The following PRKAG2 variants were observed in gnomAD, a reference collection of about 807,000 sequenced individuals.
The protein encoded by PRKAG2 is 5'-AMP-activated protein kinase subunit gamma-2.
A neutral mutation model predicts 69.6 loss-of-function variants in PRKAG2; 26 were observed. The observed-to-expected ratio is 0.37, with a 90% CI of 0.27 to 0.52. The LOEUF is 0.52. Ranked by LOEUF, PRKAG2 falls within the 20% of genes least tolerant of loss-of-function variation. The pLI, the probability that PRKAG2 is intolerant of heterozygous loss-of-function variation, is 0.90. For synonymous variants in PRKAG2, 293 were observed against 285.0 expected (o/e 1.03, Z -0.28); for missense variants, 557 against 740.0 (o/e 0.75, Z 2.87).
At chr7:151,657,660 G>T (rs1291123918) in intron 4 of PRKAG2, among the ~76,000 whole-genome samples, 3 of 152,106 alleles carry the variant, frequency 2.0e-5, no homozygotes, top group African/African-American at 7.2e-5. Flanking sequence ...CTGAACTTGT[G>T]TGTGGCTGGC....
intron 3 of PRKAG2, among the ~76,000 whole-genome samples, chr7:151,723,607 C>T (rs969842888): frequency 6.6e-6 from 1 of 152,182 alleles, no homozygotes; most frequent in African/African-American, 2.4e-5. Context: ...CCACTTGGCC[C>T]CTGCCATGCT....
intron 1 of PRKAG2, among the ~76,000 whole-genome samples, chr7:151,815,863 G>A (rs920213116): frequency 3.9e-5 from 6 of 152,218 alleles, no homozygotes; most frequent in Admixed American, 6.5e-5. Flanking sequence ...CTTCTCAGCA[G>A]TGGAGGAATT....
intron 3 of PRKAG2, among the ~76,000 whole-genome samples, chr7:151,694,458 C>T (rs914697866): frequency 1.3e-5 from 2 of 152,130 alleles, no homozygotes; most frequent in Non-Finnish European, 2.9e-5. Context: ...TCATTTCTCC[C>T]CACCTGCAAC....
At chr7:151,730,826 C>T (rs1446717363) in intron 3 of PRKAG2, among the ~76,000 whole-genome samples, 2 of 152,156 alleles carry the variant, frequency 1.3e-5, no homozygotes, top group African/African-American at 2.4e-5. Flanking sequence ...GTTCATGGGC[C>T]AGGAAGGATG....
chr7:151,816,355 G>A (rs1424160349), intron 1 of PRKAG2, among the ~76,000 whole-genome samples: 1 of 151,886 alleles, frequency 6.6e-6, no homozygotes, highest in Non-Finnish European at 1.5e-5. Flanking sequence ...TCCGTAGAAT[G>A]AGCCATGTGT....
At chr7:151,802,953 T>G (rs368812174) in intron 1 of PRKAG2, among the ~76,000 whole-genome samples, 1 of 63,714 alleles carries the variant, frequency 1.6e-5, no homozygotes, top group Non-Finnish European at 3.1e-5. Context: ...CAATATGATA[T>G]ATATATATAT....
At chr7:151,827,745 T>TTAAA (rs1367495239) in intron 1 of PRKAG2, among the ~76,000 whole-genome samples, 1 of 52,248 alleles carries the variant, frequency 1.9e-5, no homozygotes, top group Non-Finnish European at 3.3e-5. Context: ...TGGCCTTAGG[T>TTAAA]AAAAAAAAAA....
intron 3 of PRKAG2, among the ~76,000 whole-genome samples, chr7:151,713,445 A>G (rs1795634415): frequency 6.6e-6 from 1 of 152,158 alleles, no homozygotes; most frequent in African/African-American, 2.4e-5. Context: ...GTAATGCAGT[A>G]TTTTCTTTTT....
At chr7:151,622,692 CATT>C (rs1821821327) in intron 5 of PRKAG2, among the ~76,000 whole-genome samples, 1 of 152,158 alleles carries the variant, frequency 6.6e-6, no homozygotes, top group Non-Finnish European at 1.5e-5. Context: ...TTCCTGAGAG[CATT>C]TCTCAGGAAC....
chr7:151,568,907 C>A, intron 10 of PRKAG2, 65 bp from the exon 11 acceptor site: 1 of 1,577,628 alleles, frequency 6.3e-7, no homozygotes, highest in African/African-American at 1.3e-5. Flanking sequence ...TTTGGACTAC[C>A]CCTGCCTTAA....
At chr7:151,621,878 G>A (rs1821599484) in intron 5 of PRKAG2, among the ~76,000 whole-genome samples, 1 of 152,110 alleles carries the variant, frequency 6.6e-6, no homozygotes, top group Admixed American at 6.6e-5. Flanking sequence ...CCCGGCCGGT[G>A]TGCTTTGATC....
At chr7:151,693,986 C>T in intron 3 of PRKAG2, among the ~76,000 whole-genome samples, 1 of 152,210 alleles carries the variant, frequency 6.6e-6, no homozygotes, top group East Asian at 1.9e-4. Flanking sequence ...ATTCTTCTGC[C>T]TCAGCCTCCT....
At chr7:151,840,109 C>T (rs985703160) in intron 1 of PRKAG2, among the ~76,000 whole-genome samples, 1 of 152,160 alleles carries the variant, frequency 6.6e-6, no homozygotes, top group Admixed American at 6.5e-5. Flanking sequence ...TTTTACATTA[C>T]GTTTGTAATC....
Position 151,859,692 on chromosome 7 carries a change from T to C in PRKAG2, c.114+16815A>G, listed in dbSNP as rs573756257. Among the ~76,000 whole-genome samples the C allele has an allele frequency of 1.1e-4, 16 of 152,244 alleles. No homozygotes were observed. In the South Asian group the frequency reaches 3.1e-3, roughly 30 times the overall value. On this transcript the variant is annotated intron_variant, in intron 1 of 15. Coordinates refer to ENST00000287878, the MANE Select transcript of PRKAG2 (RefSeq NM_016203.4). ...TCCCTTGGCGCCATCAGAAGCTGAGTGGCCTTGGATACCTTCAGCTCCCCT... is the reference window on the plus strand; with the variant it reads ...TCCCTTGGCGCCATCAGAAGCTGAGCGGCCTTGGATACCTTCAGCTCCCCT...
chr7:151,563,769 A>G (rs1805609703), intron 14 of PRKAG2, among the ~76,000 whole-genome samples: 1 of 152,224 alleles, frequency 6.6e-6, no homozygotes, highest in Non-Finnish European at 1.5e-5. Flanking sequence ...TTTAGTAGAG[A>G]CAAGGTCTTA....
chr7:151,725,228 G>A (rs1257360691), intron 3 of PRKAG2, among the ~76,000 whole-genome samples: 1 of 152,052 alleles, frequency 6.6e-6, no homozygotes, highest in African/African-American at 2.4e-5. Flanking sequence ...CCTGCCACCC[G>A]CCACCCACAC....
intron 3 of PRKAG2, among the ~76,000 whole-genome samples, chr7:151,727,042 C>A (rs1268258515): frequency 6.6e-6 from 1 of 151,964 alleles, no homozygotes; most frequent in Non-Finnish European, 1.5e-5. Flanking sequence ...ATAGTGAAAC[C>A]CCGCCTCTAC....
rs538373667 is a variant in PRKAG2, at chr7:151,799,567, T to G, written c.115-13026A>C. On this transcript the variant is annotated intron_variant, in intron 1 of 15. Transcript: ENST00000287878. ...CATTTATTGTACATGAATCTGTGAC[T>G]TCCCCAGAGCCCTTCAGTCTGTGAT... 9.6e-4 allele frequency among the ~76,000 whole-genome samples: 147 copies of G among 152,338 alleles called. 2 individuals carry two copies. The highest frequency in any genetic ancestry group is 3.4e-3 in the Middle Eastern group (1 of 292).
At chr7:151,663,417 C>T (rs1035640610) in intron 4 of PRKAG2, among the ~76,000 whole-genome samples, 3 of 152,190 alleles carry the variant, frequency 2.0e-5, no homozygotes, top group African/African-American at 7.2e-5. Context: ...AGTCCTCTCG[C>T]CCAGGCAAAA....
Sources: allele counts gnomAD v4.1 joint callset (sites outside exome capture counted in the v4.1 genomes callset), GRCh38; gene constraint gnomAD v4.1.1; transcripts MANE v1.5; gene names NCBI Gene and HGNC (gene_info 2026-07-23, HGNC 2026-07-21).